Variants in KPNA5 observed in about 807,000 individuals in gnomAD.
KPNA5 encodes importin subunit alpha-6.
In KPNA5, 46 loss-of-function variants were observed where a neutral mutation model predicts 71.3. The ratio of observed to expected loss-of-function variants is 0.65; its 90% CI spans 0.51 to 0.83. KPNA5 has a LOEUF of 0.83. Ranked by LOEUF, KPNA5 falls within the 40% of genes least tolerant of loss-of-function variation. The pLI is 0.00. For missense variants in KPNA5, 547 were observed against 628.3 expected (o/e 0.87, Z 1.38); for synonymous variants, 207 against 201.4 (o/e 1.03, Z -0.24).
intron 4 of KPNA5, among the ~76,000 whole-genome samples, chr6:116,693,453 T>C (rs1233828074): frequency 6.6e-6 from 1 of 152,206 alleles, no homozygotes. Context: ...TGGTATCTCA[T>C]TGTGGTTTTG....
At position 116,739,454 on chromosome 6, in the gene KPNA5, C is replaced by T. The variant is rs1312115703; in HGVS notation, c.*7131C>T. 1.3e-5 allele frequency: 2 copies of T among 152,132 alleles called. No homozygotes were observed. The allele number at this position is 152,132 out of a possible 1,614,324, so 9.4% of individuals were successfully genotyped here. On this transcript the variant is annotated 3_prime_UTR_variant, in exon 14 of 14. Transcript: ENST00000368564. ...TAATTTATAGATTCAATGCCATCCC[C>T]ATCAAGCTACCAATGCCTTTCTTCA...
rs747056679 is a variant in KPNA5, at chr6:116,705,085, T to C, written c.581T>C (p.Leu194Pro). Reference sequence around the variant, plus strand: ...TTTTTTCCTAAGGCTGTTTGGGCACTTGGTAATATTGCTGGTGACAATGCA... The same window carrying C: ...TTTTTTCCTAAGGCTGTTTGGGCACCTGGTAATATTGCTGGTGACAATGCA... ...EDVQEQAVWA[L>P]GNIAGDNAEC... Residue 194 changes from leucine to proline, a missense_variant, in exon 7 of 14, where the codon CTT becomes CCT. Physicochemically the swap from Leu to Pro is moderately conservative, Grantham distance 98. Coordinates refer to ENST00000368564, the MANE Select transcript of KPNA5 (RefSeq NM_001366306.2). 6.2e-7 allele frequency: 1 copy of C among 1,611,418 alleles called. No individual in the cohort carries two copies. The highest frequency in any genetic ancestry group is 2.2e-5 in the East Asian group (1 of 44,782).
At position 116,702,036 on chromosome 6, in the gene KPNA5, A is replaced by C. The variant is rs1384316353; in HGVS notation, c.453A>C (p.Ala151=). 2 of 1,612,682 alleles carry C rather than the reference A, an allele frequency of 1.2e-6. No individual in the cohort carries two copies. The highest frequency in any genetic ancestry group is 1.7e-6 in the Non-Finnish European group (2 of 1,179,646). ...CTTCTTAGTTTGAAGCTGCATGGGC[A>C]TTAACAAATATAGCATCTGGAACTT... ...NCTLQFEAAW[A]LTNIASGTFL... The change falls in exon 6 of 14, where the codon GCA becomes GCC. Residue 151 remains alanine (A), a synonymous_variant. Coordinates refer to ENST00000368564, the MANE Select transcript of KPNA5 (RefSeq NM_001366306.2).
intron 7 of KPNA5, among the ~76,000 whole-genome samples, chr6:116,707,542 T>G (rs1199762090): frequency 1.3e-5 from 2 of 152,202 alleles, no homozygotes; most frequent in African/African-American, 4.8e-5. Context: ...TCACACCTAT[T>G]CATTTACTTA....
chr6:116,683,694 C>T (rs559084463), intron 1 of KPNA5, among the ~76,000 whole-genome samples: 33 of 151,800 alleles, frequency 2.2e-4, no homozygotes, highest in South Asian at 6.2e-4. Context: ...CAGGAGTCTC[C>T]CTCCCGGGGT....
chr6:116,711,121 T>C (rs1778659734), intron 7 of KPNA5, among the ~76,000 whole-genome samples: 1 of 151,524 alleles, frequency 6.6e-6, no homozygotes, highest in Non-Finnish European at 1.5e-5. Context: ...CTTGAACTCC[T>C]GACCTCAGGT....
chr6:116,690,084 T>A (rs1276455658), intron 2 of KPNA5, among the ~76,000 whole-genome samples: 1 of 152,174 alleles, frequency 6.6e-6, no homozygotes, highest in Admixed American at 6.5e-5. Context: ...CCTATTCTCT[T>A]CTATTGTATT....
chr6:116,700,019 AC>A (rs1483423528), intron 5 of KPNA5, among the ~76,000 whole-genome samples: 1 of 152,246 alleles, frequency 6.6e-6, no homozygotes, highest in African/African-American at 2.4e-5. Flanking sequence ...CTCTGGGGAC[AC>A]AGAACATAGC....
intron 6 of KPNA5, among the ~76,000 whole-genome samples, chr6:116,702,969 C>G (rs1778286907): frequency 2.6e-5 from 4 of 152,032 alleles, no homozygotes; most frequent in Admixed American, 1.3e-4. Flanking sequence ...ATCTGTTGTT[C>G]TGTCTCCCAT....
Position 116,702,200 on chromosome 6 carries a change from T to A in KPNA5, c.567+50T>A, listed in dbSNP as rs199994444. The A allele has an allele frequency of 1.9e-6, 3 of 1,561,014 alleles. No individual in the cohort carries two copies. In the African/African-American group the frequency reaches 4.1e-5, roughly 22 times the overall value. On this transcript the variant is annotated intron_variant, in intron 6 of 13. Transcript: ENST00000368564. ...TATGTACTAGAATTCAGTTTTCTCT[T>A]GAAAGTACCATTTGTAATTACGATG...
rs1484907386 is a variant in KPNA5 at position 116,741,085 on chromosome 6, C to T, written c.*8762C>T. ...GATGTGATTACATGAGTTTGAAATT[C>T]GTTGATACTTGCTTTATGATCTGAT... On this transcript the variant is annotated 3_prime_UTR_variant, in exon 14 of 14. Coordinates refer to ENST00000368564, the MANE Select transcript of KPNA5 (RefSeq NM_001366306.2). 4 of 152,018 alleles carry T rather than the reference C, an allele frequency of 2.6e-5. No homozygotes were observed. Among genetic ancestry groups the T allele is most frequent in the South Asian group, 2.1e-4 (1 of 4,826 alleles). The allele number at this position is 152,018 out of a possible 1,614,324, so 9.4% of individuals were successfully genotyped here. A position where few individuals can be genotyped will look rare whatever the true frequency, so the allele number is the denominator to read the frequency against.
At chr6:116,707,707 G>A (rs560313049) in intron 7 of KPNA5, among the ~76,000 whole-genome samples, 7 of 152,226 alleles carry the variant, frequency 4.6e-5, no homozygotes, top group Admixed American at 2.0e-4. Context: ...TTGTATTTTG[G>A]GGAAATCTAA....
At chr6:116,705,442 AT>A (rs1778404844) in intron 7 of KPNA5, among the ~76,000 whole-genome samples, 1 of 152,236 alleles carries the variant, frequency 6.6e-6, no homozygotes, top group Non-Finnish European at 1.5e-5. Context: ...TTATAATACA[AT>A]AAAATTTACA....
chr6:116,697,343 A>G (rs1301034638), intron 4 of KPNA5, among the ~76,000 whole-genome samples: 1 of 152,074 alleles, frequency 6.6e-6, no homozygotes, highest in African/African-American at 2.4e-5. Context: ...CACCCAAACA[A>G]AACTTGATGG....
chr6:116,688,413 A>G (rs1278241063), intron 1 of KPNA5, among the ~76,000 whole-genome samples: 3 of 152,040 alleles, frequency 2.0e-5, no homozygotes, highest in African/African-American at 7.2e-5. Flanking sequence ...GGTACTCACT[A>G]TCTACTGTTA....
chr6:116,708,996 G>A (rs1778550158), intron 7 of KPNA5, among the ~76,000 whole-genome samples: 1 of 152,078 alleles, frequency 6.6e-6, no homozygotes, highest in South Asian at 2.1e-4. Flanking sequence ...ATGTTGGCCA[G>A]GCTGGTCTTG....
chr6:116,701,173 A>AT (rs1298788522), intron 5 of KPNA5, among the ~76,000 whole-genome samples: 8 of 152,144 alleles, frequency 5.3e-5, no homozygotes, highest in Admixed American at 5.2e-4. Flanking sequence ...TTTTGGGTAC[A>AT]TTTTTTGTTA....
intron 7 of KPNA5, 26 bp downstream of exon 7, chr6:116,705,186 T>C: frequency 1.3e-6 from 2 of 1,496,224 alleles, no homozygotes; most frequent in Non-Finnish European, 1.9e-6. Context: ...CAATTAAGTA[T>C]ATATCAAAAA....
At chr6:116,716,181 T>C (rs905871202) in intron 7 of KPNA5, 38 bp from the exon 8 acceptor site, 8 of 1,463,848 alleles carry the variant, frequency 5.5e-6, no homozygotes, top group South Asian at 2.4e-5. Context: ...GAAAAATGAA[T>C]GTAAGGTGAT....
Sources: allele counts gnomAD v4.1 joint callset (sites outside exome capture counted in the v4.1 genomes callset), GRCh38; gene constraint gnomAD v4.1.1; transcripts MANE v1.5; gene names NCBI Gene and HGNC (gene_info 2026-07-23, HGNC 2026-07-21).